Variants in MBTPS1 observed in about 807,000 individuals in gnomAD.
MBTPS1 encodes the protein membrane bound transcription factor peptidase, site 1.
A neutral mutation model predicts 127.8 loss-of-function variants in MBTPS1; 94 were observed. The ratio of observed to expected loss-of-function variants is 0.74; its 90% CI spans 0.62 to 0.87. The LOEUF (loss-of-function observed/expected upper bound fraction) is 0.87, where lower values mean the gene tolerates loss of function less well. Among genes scored for constraint, MBTPS1 ranks in the 40% least tolerant of loss-of-function variants. The pLI is 0.00. For missense variants in MBTPS1, 1,636 were observed against 1,353.2 expected (o/e 1.21, Z -3.28); for synonymous variants, 632 against 509.4 (o/e 1.24, Z -3.24).
intron 2 of MBTPS1, among the ~76,000 whole-genome samples, chr16:84,099,670 G>T (rs2086227358): frequency 6.6e-6 from 1 of 151,602 alleles, no homozygotes; most frequent in Non-Finnish European, 1.5e-5. Context: ...CTATAATCCT[G>T]GGAGGCTAAG....
chr16:84,109,953 ACT>A (rs1444724555), intron 1 of MBTPS1, among the ~76,000 whole-genome samples: 1 of 152,074 alleles, frequency 6.6e-6, no homozygotes, highest in Admixed American at 6.6e-5. Flanking sequence ...TCTGCAATTT[ACT>A]CTCAAATGCT....
chr16:84,080,783 G>A (rs1210132344), intron 11 of MBTPS1, among the ~76,000 whole-genome samples: 1 of 152,234 alleles, frequency 6.6e-6, no homozygotes. Flanking sequence ...TGTCAGATCA[G>A]CACTGCAGTT....
intron 22 of MBTPS1, among the ~76,000 whole-genome samples, chr16:84,055,157 A>G (rs940452220): frequency 1.3e-5 from 2 of 152,226 alleles, no homozygotes; most frequent in African/African-American, 4.8e-5. Flanking sequence ...AGAGGCCATC[A>G]GAGGACCCTG....
chr16:84,056,935 T>C (rs2085530463), intron 21 of MBTPS1: 1 of 152,246 alleles, frequency 6.6e-6, no homozygotes, highest in Admixed American at 6.5e-5. Flanking sequence ...AAAACACTAC[T>C]CTGGCTTAAG....
intron 1 of MBTPS1, among the ~76,000 whole-genome samples, chr16:84,113,877 T>C (rs192694154): frequency 1.2e-4 from 18 of 152,082 alleles, no homozygotes; most frequent in African/African-American, 3.1e-4. Context: ...ATTGCATACT[T>C]GGCTATATTA....
Position 84,065,772 on chromosome 16 carries a change from G to GA in MBTPS1, c.2354-6dup, listed in dbSNP as rs765222107. 4 of 1,565,724 alleles carry GA rather than the reference G, an allele frequency of 2.6e-6. No homozygotes were observed. Among genetic ancestry groups the GA allele is most frequent in the Non-Finnish European group, 3.5e-6 (4 of 1,158,152 alleles). ...TGCACCCTGACGCATAATACACTAG[G>GA]AAAGAGTGTTCAAAGTCAAGGGAAC... On this transcript the variant is annotated splice_region_variant and splice_polypyrimidine_tract_variant and intron_variant, in intron 17 of 22. Coordinates refer to ENST00000343411, the MANE Select transcript of MBTPS1 (RefSeq NM_003791.4).
intron 1 of MBTPS1, among the ~76,000 whole-genome samples, chr16:84,106,476 G>A (rs953278198): frequency 3.3e-5 from 5 of 152,202 alleles, no homozygotes; most frequent in Non-Finnish European, 7.3e-5. Flanking sequence ...GATCCAGGCA[G>A]TGGGAAAGCA....
At chr16:84,089,695 G>A (rs147575025) in intron 8 of MBTPS1, among the ~76,000 whole-genome samples, 25 of 152,310 alleles carry the variant, frequency 1.6e-4, no homozygotes, top group African/African-American at 5.5e-4. Flanking sequence ...TGCCTCAGCC[G>A]TAAGTGGCAG....
intron 11 of MBTPS1, among the ~76,000 whole-genome samples, chr16:84,076,419 C>T (rs931417771): frequency 6.6e-6 from 1 of 152,184 alleles, no homozygotes; most frequent in East Asian, 1.9e-4. Flanking sequence ...TGCTGTTCAA[C>T]ACTGTGCTAG....
chr16:84,097,838 G>GTGTGTGTC (rs2086197640), intron 3 of MBTPS1, among the ~76,000 whole-genome samples: 2 of 14,198 alleles, frequency 1.4e-4, no homozygotes, highest in East Asian at 9.3e-3. Flanking sequence ...ACTTCTCTTC[G>GTGTGTGTC]TGTGTGTGTG....
At chr16:84,099,600 A>G (rs968004336) in intron 2 of MBTPS1, among the ~76,000 whole-genome samples, 3 of 152,126 alleles carry the variant, frequency 2.0e-5, no homozygotes, top group African/African-American at 7.2e-5. Context: ...CCTGGCCAAC[A>G]TAGTGAAACC....
Position 84,112,737 on chromosome 16 carries a change from G to A in MBTPS1, c.-325+3998C>T, listed in dbSNP as rs142772552. Among the ~76,000 whole-genome samples the A allele has an allele frequency of 1.5e-3, 222 of 151,416 alleles. 2 individuals carry two copies. In the East Asian group the frequency reaches 0.022, roughly 15 times the overall value. On this transcript the variant is annotated intron_variant, in intron 1 of 22. Coordinates refer to ENST00000343411, the MANE Select transcript of MBTPS1 (RefSeq NM_003791.4). ...CAGCTATAACCCCAGCACTGTGGGAGGCCGAGACGGGCAGATCACCCGAGG... is the reference window on the plus strand; with the variant it reads ...CAGCTATAACCCCAGCACTGTGGGAAGCCGAGACGGGCAGATCACCCGAGG...
intron 9 of MBTPS1, 44 bp from the exon 10 acceptor site, chr16:84,085,178 A>C: frequency 2.5e-6 from 4 of 1,588,122 alleles, no homozygotes; most frequent in Non-Finnish European, 3.5e-6. Flanking sequence ...GCACATTGGC[A>C]TACAGCCGCA....
At chr16:84,074,553 A>G (rs2085823001) in intron 12 of MBTPS1, 44 bp downstream of exon 12, 1 of 1,599,118 alleles carries the variant, frequency 6.3e-7, no homozygotes, top group African/African-American at 1.3e-5. Flanking sequence ...GGCTGTGTCT[A>G]AGTTCACCAT....
rs78180007 is a variant in MBTPS1, at chr16:84,077,799, A to G, written c.1449-3058T>C. ...AACACCTTACACTAAGTCAAAAGAC[A>G]ACTGACAAAGTGGCAGAAAAATCCG... On this transcript the variant is annotated intron_variant, in intron 11 of 22. Coordinates refer to ENST00000343411, the MANE Select transcript of MBTPS1 (RefSeq NM_003791.4). Among the ~76,000 whole-genome samples the G allele has an allele frequency of 8.7e-3, 1,331 of 152,338 alleles. 7 individuals carry two copies. The highest frequency in any genetic ancestry group is 0.015 in the Non-Finnish European group (1,003 of 68,030).
At chr16:84,106,942 C>T (rs2086332230) in intron 1 of MBTPS1, among the ~76,000 whole-genome samples, 1 of 152,186 alleles carries the variant, frequency 6.6e-6, no homozygotes, top group Admixed American at 6.5e-5. Flanking sequence ...GGTTGCCCGA[C>T]TGGACCAGTG....
rs1200199634 is a variant in MBTPS1, at chr16:84,090,866, G to A, written c.1031+9C>T. ...AATCCCCGAGGTCATCCCTGCTGGG[G>A]CTACTTACCCATAAAGAGGTCCGTC... On this transcript the variant is annotated intron_variant, in intron 8 of 22. Coordinates refer to ENST00000343411, the MANE Select transcript of MBTPS1 (RefSeq NM_003791.4). The A allele has an allele frequency of 2.5e-6, 4 of 1,604,874 alleles. No homozygotes were observed. Among genetic ancestry groups the A allele is most frequent in the Admixed American group, 1.7e-5 (1 of 58,968 alleles).
chr16:84,078,269 G>T (rs905985625), intron 11 of MBTPS1, among the ~76,000 whole-genome samples: 1 of 147,226 alleles, frequency 6.8e-6, no homozygotes, highest in East Asian at 2.0e-4. Flanking sequence ...TAAGTTACCT[G>T]ACGCTCTCAA....
intron 20 of MBTPS1, 84 bp downstream of exon 20, chr16:84,060,598 T>C (rs2085594985): frequency 6.6e-7 from 1 of 1,511,908 alleles, no homozygotes; most frequent in Non-Finnish European, 9.0e-7. Flanking sequence ...CCCCACTTGC[T>C]GGCAGGCACA....
Sources: gnomAD v4.1 joint callset for allele counts (sites outside exome capture counted in the v4.1 genomes callset) on GRCh38, gnomAD v4.1.1 for gene constraint, MANE v1.5 for transcripts, NCBI Gene and HGNC (gene_info 2026-07-23, HGNC 2026-07-21) for gene names.